Variants in CDK5RAP2 observed in about 807,000 individuals in gnomAD.
CDK5RAP2 encodes CDK5 regulatory subunit associated protein 2.
Under a neutral mutation model 232.9 loss-of-function variants are expected in CDK5RAP2, and 147 were observed. That is an observed-to-expected ratio of 0.63 (90% confidence interval 0.55 to 0.72). The LOEUF (loss-of-function observed/expected upper bound fraction) is 0.72. CDK5RAP2 is among the 30% of genes least tolerant of loss of function. CDK5RAP2 has a pLI of 0.00. For synonymous variants in CDK5RAP2, 833 were observed against 833.7 expected (o/e 1.00, Z 0.01); for missense variants, 2,195 against 2,231.5 (o/e 0.98, Z 0.33).
chr9:120,412,318 C>T (rs1252487017), intron 28 of CDK5RAP2, among the ~76,000 whole-genome samples: 1 of 152,212 alleles, frequency 6.6e-6, no homozygotes, highest in African/African-American at 2.4e-5. Context: ...GCTTCCCTCC[C>T]TGTCCTCCAC....
rs1402360175 is a variant in CDK5RAP2 at position 120,437,632 on chromosome 9, C to T, written c.3723-105G>A. 1.1e-5 allele frequency: 9 copies of T among 827,472 alleles called. No homozygotes were observed. In the South Asian group the frequency reaches 1.3e-4, roughly 12 times the overall value. 51.3% of individuals were successfully genotyped at this position (827,472 alleles called of 1,614,324 possible). On this transcript the variant is annotated intron_variant, in intron 24 of 37. Coordinates refer to ENST00000349780, the MANE Select transcript of CDK5RAP2 (RefSeq NM_018249.6). ...ACAGAGTACAATTTTTAAAAGCCTG[C>T]AGCTGTACAAGTATATATACTTTTA...
At chr9:120,462,875 A>G (rs1482900072) in intron 18 of CDK5RAP2, among the ~76,000 whole-genome samples, 1 of 152,216 alleles carries the variant, frequency 6.6e-6, no homozygotes, top group African/African-American at 2.4e-5. Context: ...CATTTATTGA[A>G]GATATGCACA....
intron 2 of CDK5RAP2, chr9:120,571,745 C>T: frequency 1.8e-6 from 1 of 545,434 alleles, no homozygotes; most frequent in Non-Finnish European, 3.3e-6. Context: ...TTAGTAGCAA[C>T]AAATGAAACT....
chr9:120,478,328 T>C (rs2038126471), intron 14 of CDK5RAP2, among the ~76,000 whole-genome samples: 1 of 152,242 alleles, frequency 6.6e-6, no homozygotes, highest in South Asian at 2.1e-4. Context: ...CATTTTATTG[T>C]GCCAAAAAAT....
At chr9:120,558,289 C>T (rs2042315392) in intron 3 of CDK5RAP2, among the ~76,000 whole-genome samples, 1 of 126,976 alleles carries the variant, frequency 7.9e-6, no homozygotes, top group Non-Finnish European at 1.6e-5. Flanking sequence ...AGGAGAATGG[C>T]TTGAACCCAG....
rs1188481485 is a variant in CDK5RAP2, at chr9:120,453,752, G to A, written c.2497C>T (p.Leu833Phe). The stretch of plus-strand genomic sequence containing the variant: ...GAGTTGGTTTGGACAAAATGTACAA[G>A]TTCACCTTTTTGCTTAGGTGTCTTC... Reference protein sequence around the residue: ...TEKTPKQKGELVHFVQTNSFS... With the variant: ...TEKTPKQKGEFVHFVQTNSFS... Residue 833 changes from leucine (L) to phenylalanine (F), a missense_variant, in exon 21 of 38, where the codon CTT becomes TTT. Leu to Phe is a conservative substitution (Grantham distance 22, BLOSUM62 0). Coordinates refer to ENST00000349780, the MANE Select transcript of CDK5RAP2 (RefSeq NM_018249.6). 7 of 1,614,114 alleles carry A rather than the reference G, an allele frequency of 4.3e-6. No homozygotes were observed. The highest frequency in any genetic ancestry group is 5.1e-6 in the Non-Finnish European group (6 of 1,180,050).
chr9:120,510,605 G>A (rs887045965), intron 12 of CDK5RAP2, among the ~76,000 whole-genome samples: 1 of 152,144 alleles, frequency 6.6e-6, no homozygotes, highest in Admixed American at 6.5e-5. Flanking sequence ...GAGAGCCCAG[G>A]TTTCTGGGCT....
chr9:120,395,927 A>G (rs1448459322), intron 35 of CDK5RAP2, among the ~76,000 whole-genome samples: 1 of 152,238 alleles, frequency 6.6e-6, no homozygotes, highest in Non-Finnish European at 1.5e-5. Flanking sequence ...TTGCTTTGCA[A>G]GTGTCTAAGT....
At chr9:120,578,695 C>T in intron 1 of CDK5RAP2, among the ~76,000 whole-genome samples, 1 of 151,768 alleles carries the variant, frequency 6.6e-6, no homozygotes, top group African/African-American at 2.4e-5. Context: ...GCCTCCCGAG[C>T]GGCTGGGACT....
chr9:120,425,566 C>A (rs771761944), intron 25 of CDK5RAP2, among the ~76,000 whole-genome samples: 2 of 152,204 alleles, frequency 1.3e-5, no homozygotes, highest in African/African-American at 2.4e-5. Flanking sequence ...GACTATTATG[C>A]CAGACAAACT....
chr9:120,523,169 G>A (rs1049186699), intron 11 of CDK5RAP2, among the ~76,000 whole-genome samples: 1 of 152,168 alleles, frequency 6.6e-6, no homozygotes, highest in Non-Finnish European at 1.5e-5. Context: ...ACTGTACATT[G>A]TAAGACCTCA....
At position 120,497,421 on chromosome 9, in the gene CDK5RAP2, T is replaced by TAAAAAAAAAAAAAAAAAAAAAAA. The variant is rs71385064; in HGVS notation, c.1312-5967_1312-5945dup. Among the ~76,000 whole-genome samples, 43 of 23,294 alleles carry TAAAAAAAAAAAAAAAAAAAAAAA rather than the reference T, an allele frequency of 1.8e-3. 2 individuals carry two copies. Among genetic ancestry groups the TAAAAAAAAAAAAAAAAAAAAAAA allele is most frequent in the Admixed American group, 4.4e-3 (5 of 1,148 alleles). The allele number at this position is 23,294 out of a possible 152,430, so 15.3% of individuals were successfully genotyped here. On this transcript the variant is annotated intron_variant, in intron 12 of 37. Transcript: ENST00000349780. ...AGAATTATCAATAAAAAAATAAATT[T>TAAAAAAAAAAAAAAAAAAAAAAA]AAAAAAAAAAAAAAAAAAAAAAAAA...
intron 23 of CDK5RAP2, chr9:120,440,283 G>T (rs1440525750): frequency 2.5e-6 from 1 of 394,942 alleles, no homozygotes; most frequent in Non-Finnish European, 4.8e-6. Context: ...GACATTCCCA[G>T]TATCTACATG....
chr9:120,481,978 G>A (rs2131588731), intron 14 of CDK5RAP2, among the ~76,000 whole-genome samples: 1 of 152,306 alleles, frequency 6.6e-6, no homozygotes, highest in East Asian at 1.9e-4. Context: ...TATGCTCCAA[G>A]TGCTATACTA....
intron 12 of CDK5RAP2, among the ~76,000 whole-genome samples, chr9:120,507,934 A>G (rs1348000986): frequency 4.1e-5 from 3 of 73,538 alleles, no homozygotes; most frequent in Non-Finnish European, 8.9e-5. Context: ...AAAAAAAAAA[A>G]AAAAAAAAAT....
intron 23 of CDK5RAP2, chr9:120,440,414 G>A: frequency 4.6e-6 from 1 of 216,612 alleles, no homozygotes; most frequent in Non-Finnish European, 9.3e-6. Context: ...ATGCCTCCAT[G>A]CTTTTGCATG....
rs2035770901 is a variant in CDK5RAP2 at position 120,439,452 on chromosome 9, A to G, written c.3669T>C (p.Leu1223=). 6.2e-7 allele frequency: 1 copy of G among 1,614,156 alleles called. No individual in the cohort carries two copies. Among genetic ancestry groups the G allele is most frequent in the East Asian group, 2.2e-5 (1 of 44,870 alleles). Residue 1223 remains leucine, a synonymous_variant, in exon 24 of 38, where the codon CTT becomes CTC. Transcript: ENST00000349780. ...LQKEQNLNMQ[L]FSEIHNLQNK... ...TCTGCAGATTATGGATCTCACTGAA[A>G]AGTTGCATGTTCAAATTCTGCTCCT...
chr9:120,560,767 C>T (rs1233339492), intron 3 of CDK5RAP2, among the ~76,000 whole-genome samples: 2 of 152,036 alleles, frequency 1.3e-5, no homozygotes, highest in Admixed American at 1.3e-4. Context: ...CAGGCACATG[C>T]CACCATGCCC....
intron 16 of CDK5RAP2, among the ~76,000 whole-genome samples, chr9:120,470,645 ATTT>A (rs34808923): frequency 1.4e-5 from 2 of 143,718 alleles, no homozygotes; most frequent in Non-Finnish European, 1.5e-5. Flanking sequence ...GTGTCTGATC[ATTT>A]TTTTTTTTTT....
Sources: allele counts gnomAD v4.1 joint callset (sites outside exome capture counted in the v4.1 genomes callset), GRCh38; gene constraint gnomAD v4.1.1; transcripts MANE v1.5; gene names NCBI Gene and HGNC (gene_info 2026-07-23, HGNC 2026-07-21).